Variants in RBFOX1 observed in about 807,000 individuals in gnomAD.
RBFOX1 encodes RNA binding fox-1 homolog 1.
RBFOX1 carries 8 observed loss-of-function variants against 57.7 expected under a neutral mutation model. The observed-to-expected ratio is 0.14, with a 90% confidence interval of 0.08 to 0.25. The LOEUF (loss-of-function observed/expected upper bound fraction) is 0.25. Among genes scored for constraint, RBFOX1 ranks in the 10% least tolerant of loss-of-function variants. RBFOX1 has a pLI of 1.00. For synonymous variants in RBFOX1, 326 were observed against 222.4 expected, an observed-to-expected ratio of 1.47 and a Z score of -4.15; for missense variants, 611 against 548.5, an observed-to-expected ratio of 1.11 and a Z score of -1.14.
chr16:6,661,918 A>G (rs369887220), intron 3 of RBFOX1, among the ~76,000 whole-genome samples: 7 of 151,964 alleles, frequency 4.6e-5, no homozygotes, highest in African/African-American at 1.2e-4. Flanking sequence ...TTTTAACATC[A>G]TGGGAGTTCT....
At chr16:6,501,946 C>T (rs903604315) in intron 2 of RBFOX1, among the ~76,000 whole-genome samples, 1 of 152,080 alleles carries the variant, frequency 6.6e-6, no homozygotes, top group Non-Finnish European at 1.5e-5. Flanking sequence ...TAGTGGTGAA[C>T]AAAATAGATA....
At chr16:5,698,653 C>T (rs2050924302) in intron 3 of RBFOX1, among the ~76,000 whole-genome samples, 1 of 152,156 alleles carries the variant, frequency 6.6e-6, no homozygotes, top group South Asian at 2.1e-4. Context: ...AGATGAATGT[C>T]TGTAGCAATA....
chr16:7,487,665 CCA>C (rs1281395154), intron 4 of RBFOX1, among the ~76,000 whole-genome samples: 2 of 152,108 alleles, frequency 1.3e-5, no homozygotes, highest in African/African-American at 2.4e-5. Flanking sequence ...AGACCGAGCA[CCA>C]CACGCACAGA....
intron 3 of RBFOX1, among the ~76,000 whole-genome samples, chr16:6,913,478 T>C (rs2072254312): frequency 6.6e-6 from 1 of 152,092 alleles, no homozygotes; most frequent in Non-Finnish European, 1.5e-5. Context: ...ATCGGCCTTC[T>C]TCACACCCCC....
chr16:6,333,918 GA>G (rs2083330796), intron 2 of RBFOX1, among the ~76,000 whole-genome samples: 1 of 152,128 alleles, frequency 6.6e-6, no homozygotes, highest in Non-Finnish European at 1.5e-5. Flanking sequence ...CTAACTCATA[GA>G]AGGGCATAAC....
intron 4 of RBFOX1, among the ~76,000 whole-genome samples, chr16:7,509,566 G>C (rs969796113): frequency 4.6e-5 from 7 of 152,082 alleles, no homozygotes; most frequent in African/African-American, 1.7e-4. Context: ...ACAATAACTT[G>C]TCTAAGATTA....
At chr16:5,591,203 T>G (rs1341036025) in intron 2 of RBFOX1, among the ~76,000 whole-genome samples, 1 of 151,876 alleles carries the variant, frequency 6.6e-6, no homozygotes, top group Non-Finnish European at 1.5e-5. Flanking sequence ...GTCAGAAATA[T>G]AAAATGAGTT....
chr16:5,333,606 T>C (rs943882635), intron 1 of RBFOX1, among the ~76,000 whole-genome samples: 1 of 152,202 alleles, frequency 6.6e-6, no homozygotes, highest in African/African-American at 2.4e-5. Flanking sequence ...AGTGCTTCAG[T>C]GTACTGTCAT....
intron 4 of RBFOX1, chr16:7,304,449 G>T (rs2096122108): frequency 1.0e-6 from 1 of 985,260 alleles, no homozygotes; most frequent in Admixed American, 6.1e-5. Flanking sequence ...TGTGTCCCCA[G>T]CTTTCGTGTG....
At chr16:6,951,043 C>G (rs537005637) in intron 3 of RBFOX1, among the ~76,000 whole-genome samples, 37 of 152,088 alleles carry the variant, frequency 2.4e-4, no homozygotes, top group African/African-American at 7.9e-4. Context: ...GTAGGTGGGA[C>G]TACAGGCACG....
At chr16:7,008,479 G>T (rs561952841) in intron 3 of RBFOX1, among the ~76,000 whole-genome samples, 1 of 152,164 alleles carries the variant, frequency 6.6e-6, no homozygotes, top group South Asian at 2.1e-4. Flanking sequence ...AGCAAAGGTT[G>T]CAGTGATCTG....
intron 4 of RBFOX1, among the ~76,000 whole-genome samples, chr16:7,195,252 C>G (rs779402249): frequency 2.0e-5 from 3 of 152,136 alleles, no homozygotes; most frequent in Non-Finnish European, 2.9e-5. Context: ...ATGTCTCTGG[C>G]TGAGCCTCAT....
At chr16:7,293,387 A>G (rs2095831938) in intron 4 of RBFOX1, among the ~76,000 whole-genome samples, 1 of 152,194 alleles carries the variant, frequency 6.6e-6, no homozygotes, top group African/African-American at 2.4e-5. Flanking sequence ...CCAATCACCC[A>G]TGGATAGTGA....
intron 3 of RBFOX1, among the ~76,000 whole-genome samples, chr16:5,721,271 A>G (rs534500236): frequency 2.0e-5 from 3 of 152,194 alleles, no homozygotes; most frequent in African/African-American, 7.2e-5. Context: ...GTGTGAAGGA[A>G]TACAGCTGAT....
chr16:7,295,237 G>A (rs2095866559), intron 4 of RBFOX1, among the ~76,000 whole-genome samples: 1 of 152,120 alleles, frequency 6.6e-6, no homozygotes, highest in Non-Finnish European at 1.5e-5. Flanking sequence ...TGTGTATGAT[G>A]TCTATACATT....
intron 7 of RBFOX1, among the ~76,000 whole-genome samples, chr16:7,590,532 C>T (rs1315385921): frequency 6.6e-6 from 1 of 151,930 alleles, no homozygotes; most frequent in East Asian, 1.9e-4. Flanking sequence ...TATTTAAGGG[C>T]TGTATGCAGA....
chr16:6,051,015 T>C (rs1279071024), intron 1 of RBFOX1, among the ~76,000 whole-genome samples: 2 of 147,788 alleles, frequency 1.4e-5, no homozygotes, highest in Non-Finnish European at 3.0e-5. Flanking sequence ...CTTGATATTC[T>C]AGATTCATCT....
chr16:7,209,741 G>C (rs1012973163), intron 4 of RBFOX1, among the ~76,000 whole-genome samples: 1 of 152,174 alleles, frequency 6.6e-6, no homozygotes, highest in Non-Finnish European at 1.5e-5. Flanking sequence ...GTGGGGGCAG[G>C]AGTCTTGTCT....
At chr16:5,258,389 C>T (rs1292671122) in intron 1 of RBFOX1, among the ~76,000 whole-genome samples, 1 of 146,780 alleles carries the variant, frequency 6.8e-6, no homozygotes, top group African/African-American at 2.6e-5. Context: ...ATGTAATTTA[C>T]TTTCCCTCTA....
Sources: allele counts gnomAD v4.1 joint callset (sites outside exome capture counted in the v4.1 genomes callset), GRCh38; gene constraint gnomAD v4.1.1; transcripts MANE v1.5; gene names NCBI Gene and HGNC (gene_info 2026-07-23, HGNC 2026-07-21).